The following FRMD5 variants were observed in gnomAD, a reference collection of about 807,000 sequenced individuals.
FRMD5 encodes FERM domain-containing protein 5.
FRMD5 carries 20 observed loss-of-function variants against 69.0 expected under a neutral mutation model. That is an observed-to-expected ratio of 0.29 (90% CI 0.20 to 0.42). The LOEUF (loss-of-function observed/expected upper bound fraction) is 0.42, where lower values mean the gene tolerates loss of function less well. Ranked by LOEUF, FRMD5 falls within the 10% of genes least tolerant of loss-of-function variation. The pLI, the probability that FRMD5 is intolerant of heterozygous loss-of-function variation, is 1.00. For synonymous variants in FRMD5, 271 were observed against 260.1 expected (o/e 1.04, Z -0.40); for missense variants, 595 against 708.6 (o/e 0.84, Z 1.82).
At chr15:44,143,782 G>A (rs2555369) in intron 1 of FRMD5, among the ~76,000 whole-genome samples, 124,084 of 151,372 alleles carry the variant, frequency 0.82, 53,371 homozygotes, top group Non-Finnish European at 0.94. Context: ...AAAATTGGCC[G>A]GGCGTGGCGG....
At chr15:44,028,674 G>A (rs1290648897) in intron 1 of FRMD5, among the ~76,000 whole-genome samples, 1 of 152,162 alleles carries the variant, frequency 6.6e-6, no homozygotes, top group Admixed American at 6.5e-5. Context: ...CCAGAAGTCA[G>A]GGGGAGGCCC....
At chr15:43,927,514 T>C (rs977501838) in intron 1 of FRMD5, among the ~76,000 whole-genome samples, 1 of 152,212 alleles carries the variant, frequency 6.6e-6, no homozygotes, top group Non-Finnish European at 1.5e-5. Flanking sequence ...ACTTCTTCAC[T>C]GATGCCAAGA....
At chr15:43,952,675 G>A (rs2090054991) in intron 1 of FRMD5, among the ~76,000 whole-genome samples, 1 of 152,214 alleles carries the variant, frequency 6.6e-6, no homozygotes, top group Non-Finnish European at 1.5e-5. Context: ...TGCAGCTTCT[G>A]AGCTGTGTCC....
chr15:44,094,447 C>T (rs947612496), intron 1 of FRMD5, among the ~76,000 whole-genome samples: 1 of 152,178 alleles, frequency 6.6e-6, no homozygotes, highest in African/African-American at 2.4e-5. Context: ...TTCTCAGACA[C>T]CTACAACCCA....
intron 1 of FRMD5, among the ~76,000 whole-genome samples, chr15:44,131,711 A>G (rs2077100400): frequency 6.6e-6 from 1 of 152,254 alleles, no homozygotes; most frequent in Non-Finnish European, 1.5e-5. Flanking sequence ...TACTGAATAA[A>G]TCCACCTATA....
At chr15:43,907,271 C>T (rs1250856852) in intron 5 of FRMD5, among the ~76,000 whole-genome samples, 2 of 152,174 alleles carry the variant, frequency 1.3e-5, no homozygotes, top group African/African-American at 4.8e-5. Flanking sequence ...GGGACTTGTA[C>T]TTTTTCACTA....
intron 1 of FRMD5, among the ~76,000 whole-genome samples, chr15:44,135,749 C>T (rs561025186): frequency 3.4e-5 from 5 of 147,004 alleles, no homozygotes; most frequent in South Asian, 2.2e-4. Flanking sequence ...TGCTTGAATC[C>T]GGAAGGTAGA....
intron 1 of FRMD5, chr15:44,101,602 C>T (rs2076641204): frequency 6.6e-6 from 1 of 152,556 alleles, no homozygotes. Context: ...CTATAAATGA[C>T]AATGAATGTA....
At chr15:43,916,210 C>T (rs1435982025) in intron 4 of FRMD5, among the ~76,000 whole-genome samples, 1 of 152,180 alleles carries the variant, frequency 6.6e-6, no homozygotes, top group African/African-American at 2.4e-5. Context: ...AGTCTGCTGA[C>T]TTGGTGAGAG....
chr15:43,905,261 G>A (rs758493699), intron 6 of FRMD5, among the ~76,000 whole-genome samples: 6 of 150,794 alleles, frequency 4.0e-5, no homozygotes, highest in South Asian at 4.2e-4. Flanking sequence ...CTCAGCCTCC[G>A]GAGTAGTTGG....
intron 1 of FRMD5, among the ~76,000 whole-genome samples, chr15:44,115,915 C>A (rs948770034): frequency 8.5e-5 from 13 of 152,158 alleles, no homozygotes; most frequent in African/African-American, 2.2e-4. Context: ...ATCCAGGGTA[C>A]AACAAGGCAG....
At chr15:44,166,347 G>A (rs2077708635) in intron 1 of FRMD5, among the ~76,000 whole-genome samples, 1 of 151,984 alleles carries the variant, frequency 6.6e-6, no homozygotes, top group Non-Finnish European at 1.5e-5. Flanking sequence ...TTGGCATATT[G>A]GCTGCAAATT....
intron 1 of FRMD5, among the ~76,000 whole-genome samples, chr15:44,148,673 AT>A (rs550471858): frequency 1.2e-4 from 18 of 152,284 alleles, no homozygotes; most frequent in Non-Finnish European, 2.1e-4. Flanking sequence ...CTGTGTAAGC[AT>A]TTTTAGCAAT....
rs142043769 is a variant in FRMD5, at chr15:43,926,774, C to T, written c.103-2465G>A. On this transcript the variant is annotated intron_variant, in intron 1 of 13. Coordinates refer to ENST00000417257, the MANE Select transcript of FRMD5 (RefSeq NM_032892.5). ...ATAAAAATTCCAGACAGCAGTTTCA[C>T]ATGACTAGAGGCTATGGGCTGATAA... 3.3e-3 allele frequency among the ~76,000 whole-genome samples: 497 copies of T among 151,374 alleles called. 6 individuals carry two copies. Among genetic ancestry groups the T allele is most frequent in the African/African-American group, 0.012 (478 of 41,112 alleles).
At chr15:44,185,202 T>C (rs1319429985) in intron 1 of FRMD5, among the ~76,000 whole-genome samples, 1 of 152,222 alleles carries the variant, frequency 6.6e-6, no homozygotes, top group East Asian at 1.9e-4. Context: ...AAAACCTATT[T>C]CACATGTACT....
In FRMD5 at chr15:44,031,916, G is replaced by C. The variant is rs147370181; in HGVS notation, c.103-107607C>G. Among the ~76,000 whole-genome samples, 1,455 of 152,134 alleles carry C rather than the reference G, an allele frequency of 9.6e-3. 9 individuals carry two copies. Among genetic ancestry groups the C allele is most frequent in the Middle Eastern group, 0.024 (7 of 294 alleles). On this transcript the variant is annotated intron_variant, in intron 1 of 13. Coordinates refer to ENST00000417257, the MANE Select transcript of FRMD5 (RefSeq NM_032892.5). ...AATCTTTATGGATCAGGTCCCTTGA[G>C]AGCTATTTTAAAATTCAAGCAGGGT...
chr15:44,007,539 T>C (rs1257458282), intron 1 of FRMD5, among the ~76,000 whole-genome samples: 8 of 152,070 alleles, frequency 5.3e-5, no homozygotes, highest in Admixed American at 4.6e-4. Flanking sequence ...ATTAACATCC[T>C]AACATACTTT....
At chr15:44,178,119 C>T (rs538102693) in intron 1 of FRMD5, among the ~76,000 whole-genome samples, 21 of 152,136 alleles carry the variant, frequency 1.4e-4, no homozygotes, top group African/African-American at 3.9e-4. Flanking sequence ...GTCGAGAGTT[C>T]GAGACCAGCC....
intron 1 of FRMD5, among the ~76,000 whole-genome samples, chr15:44,014,213 G>A (rs758471787): frequency 2.0e-5 from 3 of 152,104 alleles, no homozygotes; most frequent in Non-Finnish European, 2.9e-5. Context: ...CTAGGTCACA[G>A]AAGACTGCAG....
Sources: allele counts gnomAD v4.1 joint callset (sites outside exome capture counted in the v4.1 genomes callset), GRCh38; gene constraint gnomAD v4.1.1; transcripts MANE v1.5; gene names NCBI Gene and HGNC (gene_info 2026-07-23, HGNC 2026-07-21).